PLCXD3: variants seen among roughly 807,000 people sequenced by gnomAD.
PLCXD3 encodes the protein phosphatidylinositol specific phospholipase C X domain containing 3.
PLCXD3 carries 19 observed loss-of-function variants against 25.5 expected under a neutral mutation model. The observed-to-expected ratio is 0.75, with a 90% CI of 0.52 to 1.09. The LOEUF is 1.09. PLCXD3 is among the 50% of genes least tolerant of loss of function. The pLI is 0.00. For synonymous variants in PLCXD3, 174 were observed against 137.6 expected (o/e 1.26, Z -1.85); for missense variants, 411 against 388.1 (o/e 1.06, Z -0.50).
chr5:41,480,922 T>TAAAC (rs781140614), intron 1 of PLCXD3, among the ~76,000 whole-genome samples: 2 of 151,024 alleles, frequency 1.3e-5, no homozygotes, highest in African/African-American at 4.9e-5. Context: ...AATAAATAAA[T>TAAAC]AAACAAACAA....
At chr5:41,438,187 A>C (rs1212402359) in intron 1 of PLCXD3, among the ~76,000 whole-genome samples, 1 of 152,198 alleles carries the variant, frequency 6.6e-6, no homozygotes. Flanking sequence ...CGACAGACTT[A>C]TGTGAGAAGA....
chr5:41,491,548 A>G (rs377121443), intron 1 of PLCXD3, among the ~76,000 whole-genome samples: 10 of 152,224 alleles, frequency 6.6e-5, no homozygotes, highest in East Asian at 5.8e-4. Context: ...AAAGTCTCCC[A>G]TTATTATTGT....
intron 1 of PLCXD3, among the ~76,000 whole-genome samples, chr5:41,475,920 G>T (rs1748273637): frequency 6.6e-6 from 1 of 152,202 alleles, no homozygotes; most frequent in Admixed American, 6.5e-5. Context: ...GTGAGCAAAG[G>T]CAGCCCCTGA....
At position 41,330,905 on chromosome 5, in the gene PLCXD3, C is replaced by T. The variant is rs561555632; in HGVS notation, c.813-17135G>A. Among the ~76,000 whole-genome samples, 183 of 152,296 alleles carry T rather than the reference C, an allele frequency of 1.2e-3. 2 individuals carry two copies. Among genetic ancestry groups the T allele is most frequent in the Admixed American group, 0.011 (162 of 15,284 alleles). ...TGACAAAATTCAACAACCCTTCATG[C>T]TAAAAACTCTCAATAAATTAGGTAT... On this transcript the variant is annotated intron_variant, in intron 2 of 2. Coordinates refer to ENST00000377801, the MANE Select transcript of PLCXD3 (RefSeq NM_001005473.3).
intron 2 of PLCXD3, among the ~76,000 whole-genome samples, chr5:41,356,381 G>A (rs1435061032): frequency 6.6e-6 from 1 of 152,182 alleles, no homozygotes; most frequent in Non-Finnish European, 1.5e-5. Context: ...ACTGGGGATG[G>A]TTACAGGATA....
chr5:41,386,117 T>C (rs1297738202), intron 1 of PLCXD3, among the ~76,000 whole-genome samples: 1 of 152,138 alleles, frequency 6.6e-6, no homozygotes, highest in Non-Finnish European at 1.5e-5. Context: ...ATGAAGGGAC[T>C]TGTGGCCAAT....
At chr5:41,432,711 T>C (rs963850094) in intron 1 of PLCXD3, among the ~76,000 whole-genome samples, 1 of 152,104 alleles carries the variant, frequency 6.6e-6, no homozygotes, top group Non-Finnish European at 1.5e-5. Flanking sequence ...AGTAAATAAA[T>C]AGGAGCAAGA....
intron 1 of PLCXD3, chr5:41,475,803 A>T: frequency 2.0e-6 from 1 of 506,182 alleles, no homozygotes; most frequent in Non-Finnish European, 4.1e-6. Flanking sequence ...TGAGACCATC[A>T]TTATGAGACT....
At chr5:41,485,793 C>A (rs1748506088) in intron 1 of PLCXD3, among the ~76,000 whole-genome samples, 1 of 152,180 alleles carries the variant, frequency 6.6e-6, no homozygotes, top group South Asian at 2.1e-4. Flanking sequence ...CAGTTATCAC[C>A]AGTTGGTTAC....
chr5:41,405,467 C>T (rs569500539), intron 1 of PLCXD3, among the ~76,000 whole-genome samples: 21 of 152,186 alleles, frequency 1.4e-4, no homozygotes, highest in Middle Eastern at 3.4e-3. Flanking sequence ...GATGTTATTA[C>T]GAACACTTGT....
At chr5:41,440,960 G>C (rs1747371986) in intron 1 of PLCXD3, among the ~76,000 whole-genome samples, 1 of 152,194 alleles carries the variant, frequency 6.6e-6, no homozygotes, top group East Asian at 1.9e-4. Context: ...AGGAGTCTCG[G>C]AAAGTTAGTG....
intron 1 of PLCXD3, among the ~76,000 whole-genome samples, chr5:41,443,827 C>G (rs948071395): frequency 5.3e-5 from 8 of 152,244 alleles, no homozygotes; most frequent in Admixed American, 5.2e-4. Flanking sequence ...ACCAGGACAG[C>G]CTGTAATTTT....
intron 1 of PLCXD3, among the ~76,000 whole-genome samples, chr5:41,453,815 A>G (rs1271753578): frequency 6.6e-6 from 1 of 151,902 alleles, no homozygotes; most frequent in Non-Finnish European, 1.5e-5. Context: ...TTTCCCCAGA[A>G]TGGTATAGCC....
chr5:41,328,827 G>C (rs569461855), intron 2 of PLCXD3, among the ~76,000 whole-genome samples: 3 of 152,332 alleles, frequency 2.0e-5, no homozygotes, highest in Admixed American at 2.0e-4. Context: ...AGTTGGAAAT[G>C]CTGAGGAGTT....
At chr5:41,464,271 AC>A (rs1747959067) in intron 1 of PLCXD3, among the ~76,000 whole-genome samples, 1 of 152,018 alleles carries the variant, frequency 6.6e-6, no homozygotes. Context: ...TCAATTACCT[AC>A]TTAGTTAAGC....
chr5:41,424,688 TTTTA>T (rs1308466038), intron 1 of PLCXD3, among the ~76,000 whole-genome samples: 3 of 152,262 alleles, frequency 2.0e-5, no homozygotes, highest in Admixed American at 2.0e-4. Flanking sequence ...TTTTTCTGTA[TTTTA>T]TTTATTCTAT....
chr5:41,375,997 G>A (rs1334355725), intron 2 of PLCXD3, among the ~76,000 whole-genome samples: 1 of 152,084 alleles, frequency 6.6e-6, no homozygotes, highest in Non-Finnish European at 1.5e-5. Flanking sequence ...GGCCTTAAAT[G>A]GACACAAATC....
intron 1 of PLCXD3, among the ~76,000 whole-genome samples, chr5:41,437,826 G>A (rs1198456296): frequency 2.0e-5 from 3 of 152,142 alleles, no homozygotes; most frequent in Non-Finnish European, 4.4e-5. Context: ...TTTGGTATGG[G>A]AAGAAATTGG....
At chr5:41,481,495 C>A (rs985082048) in intron 1 of PLCXD3, among the ~76,000 whole-genome samples, 4 of 152,234 alleles carry the variant, frequency 2.6e-5, no homozygotes, top group Admixed American at 2.0e-4. Context: ...CTTTTCATCA[C>A]CTCTGAAACA....
Sources: allele counts gnomAD v4.1 joint callset (sites outside exome capture counted in the v4.1 genomes callset), GRCh38; gene constraint gnomAD v4.1.1; transcripts MANE v1.5; gene names NCBI Gene and HGNC (gene_info 2026-07-23, HGNC 2026-07-21).